The following CDK14 variants were observed in gnomAD, a reference collection of about 807,000 sequenced individuals.
CDK14 encodes the protein cyclin dependent kinase 14.
Under a neutral mutation model 60.7 loss-of-function variants are expected in CDK14, and 34 were observed. The observed-to-expected ratio is 0.56, with a 90% CI of 0.43 to 0.75. The LOEUF is 0.75. CDK14 is among the 30% of genes least tolerant of loss of function. The probability of loss-of-function intolerance (pLI) is 0.00; values close to 1 mark genes in which losing one functional copy is unlikely to be tolerated. For missense variants in CDK14, 482 were observed against 564.1 expected (o/e 0.85, Z 1.47); for synonymous variants, 197 against 203.7 (o/e 0.97, Z 0.28).
At chr7:91,112,822 G>GGT (rs112066860) in intron 13 of CDK14, 141 bp downstream of exon 13, 48,233 of 683,044 alleles carry the variant, frequency 0.071, 1,172 homozygotes, top group Admixed American at 0.12. Flanking sequence ...GTGCATTACA[G>GGT]GTGTGTGTGT....
At chr7:90,658,742 T>C (rs112387351) in intron 2 of CDK14, among the ~76,000 whole-genome samples, 69 of 152,332 alleles carry the variant, frequency 4.5e-4, no homozygotes, top group African/African-American at 1.6e-3. Flanking sequence ...TTATGGTGAA[T>C]AGTGCTGCTA....
intron 2 of CDK14, among the ~76,000 whole-genome samples, chr7:90,675,006 A>T (rs1450417284): frequency 6.6e-6 from 1 of 152,202 alleles, no homozygotes; most frequent in African/African-American, 2.4e-5. Flanking sequence ...CCCATTTATT[A>T]AGAATAGTTT....
intron 8 of CDK14, among the ~76,000 whole-genome samples, chr7:90,932,698 GT>G (rs1366899273): frequency 6.6e-6 from 1 of 152,220 alleles, no homozygotes; most frequent in Admixed American, 6.5e-5. Context: ...TATTGTCTCA[GT>G]TTCTGTGTGG....
At chr7:91,152,830 C>A (rs1346130368) in intron 14 of CDK14, among the ~76,000 whole-genome samples, 2 of 152,168 alleles carry the variant, frequency 1.3e-5, no homozygotes, top group African/African-American at 4.8e-5. Context: ...GTGGGAAGCA[C>A]TAGTAACACC....
At chr7:91,145,915 TTGC>T (rs1375068751) in intron 14 of CDK14, among the ~76,000 whole-genome samples, 4 of 103,220 alleles carry the variant, frequency 3.9e-5, no homozygotes, top group Non-Finnish European at 8.2e-5. Context: ...TTAACCTGGC[TTGC>T]TTTATTTATT....
At chr7:90,652,957 G>A (rs1260531628) in intron 2 of CDK14, among the ~76,000 whole-genome samples, 1 of 152,020 alleles carries the variant, frequency 6.6e-6, no homozygotes, top group African/African-American at 2.4e-5. Context: ...TCTTGTATTT[G>A]CTCCCCTGAA....
At chr7:91,098,268 G>A (rs533430914) in intron 12 of CDK14, among the ~76,000 whole-genome samples, 105 of 152,152 alleles carry the variant, frequency 6.9e-4, no homozygotes, top group African/African-American at 2.3e-3. Flanking sequence ...CATGACCTCC[G>A]ACCTAACTGA....
intron 14 of CDK14, among the ~76,000 whole-genome samples, chr7:91,165,068 G>A (rs1427713296): frequency 2.6e-5 from 4 of 152,172 alleles, no homozygotes; most frequent in East Asian, 1.9e-4. Flanking sequence ...TTTTGTGATC[G>A]CTCTTCAGCG....
At chr7:91,202,506 T>C (rs1802761812) in intron 14 of CDK14, among the ~76,000 whole-genome samples, 1 of 152,226 alleles carries the variant, frequency 6.6e-6, no homozygotes, top group Non-Finnish European at 1.5e-5. Context: ...ATTACATTGA[T>C]ATTATATTTC....
At chr7:91,065,346 A>G (rs1661570314) in intron 11 of CDK14, among the ~76,000 whole-genome samples, 1 of 152,210 alleles carries the variant, frequency 6.6e-6, no homozygotes, top group Non-Finnish European at 1.5e-5. Flanking sequence ...GCCATTAAAT[A>G]TCTTAGGAAT....
intron 14 of CDK14, among the ~76,000 whole-genome samples, chr7:91,198,917 C>A (rs1802632876): frequency 1.3e-5 from 2 of 152,092 alleles, no homozygotes; most frequent in South Asian, 4.1e-4. Context: ...CAGACATGAA[C>A]CCTTGTGTTT....
intron 14 of CDK14, among the ~76,000 whole-genome samples, chr7:91,133,955 T>C (rs1430718137): frequency 6.6e-6 from 1 of 152,144 alleles, no homozygotes; most frequent in Non-Finnish European, 1.5e-5. Flanking sequence ...GATAAATTAA[T>C]ACTAGAAATA....
chr7:91,010,342 A>G (rs1298764225), intron 10 of CDK14, among the ~76,000 whole-genome samples: 2 of 152,242 alleles, frequency 1.3e-5, no homozygotes, highest in African/African-American at 4.8e-5. Context: ...GAATTTATAG[A>G]TCAGTTTGGA....
intron 2 of CDK14, among the ~76,000 whole-genome samples, chr7:90,638,645 T>C (rs1310629529): frequency 6.6e-6 from 1 of 152,164 alleles, no homozygotes; most frequent in Admixed American, 6.5e-5. Flanking sequence ...CTTTGTGGCG[T>C]TCTCTGTATT....
At chr7:90,919,095 A>G (rs1296316119) in intron 8 of CDK14, among the ~76,000 whole-genome samples, 2 of 152,096 alleles carry the variant, frequency 1.3e-5, no homozygotes, top group Non-Finnish European at 2.9e-5. Context: ...GAAGGTTTGC[A>G]GTTTCTCAAA....
At chr7:90,698,852 AT>A (rs770762745) in intron 2 of CDK14, among the ~76,000 whole-genome samples, 1 of 152,168 alleles carries the variant, frequency 6.6e-6, no homozygotes, top group Non-Finnish European at 1.5e-5. Flanking sequence ...ATACTTCATT[AT>A]GTAACCATGG....
intron 6 of CDK14, among the ~76,000 whole-genome samples, chr7:90,898,698 A>G (rs1432031005): frequency 6.6e-6 from 1 of 152,100 alleles, no homozygotes; most frequent in Non-Finnish European, 1.5e-5. Context: ...GATGTTGAAT[A>G]TTCGTTTAAA....
At chr7:91,137,688 T>TG (rs111697821) in intron 14 of CDK14, among the ~76,000 whole-genome samples, 1 of 37,812 alleles carries the variant, frequency 2.6e-5, no homozygotes, top group African/African-American at 1.5e-4. Flanking sequence ...TAAAGACTTG[T>TG]GGGGGGTGTG....
chr7:91,123,393 T>C (rs944284784), intron 14 of CDK14, among the ~76,000 whole-genome samples: 23 of 152,162 alleles, frequency 1.5e-4, no homozygotes, highest in African/African-American at 5.3e-4. Context: ...ATTGTTGAAA[T>C]GACGCTTAGA....
Sources: allele counts gnomAD v4.1 joint callset (sites outside exome capture counted in the v4.1 genomes callset), GRCh38; gene constraint gnomAD v4.1.1; transcripts MANE v1.5; gene names NCBI Gene and HGNC (gene_info 2026-07-23, HGNC 2026-07-21).